Variants in PDE4D observed in about 807,000 individuals in gnomAD.
The protein encoded by PDE4D is 3',5'-cyclic-AMP phosphodiesterase 4D.
In PDE4D, 24 loss-of-function variants were observed where a neutral mutation model predicts 87.4. That is an observed-to-expected ratio of 0.27 (90% CI 0.20 to 0.39). The LOEUF is 0.39. PDE4D is among the 10% of genes least tolerant of loss of function. PDE4D has a pLI of 1.00. For missense variants in PDE4D, 714 were observed against 1,041.0 expected (o/e 0.69, Z 4.32); for synonymous variants, 384 against 383.2 (o/e 1.00, Z -0.02).
chr5:59,665,238 T>G (rs1026515540), intron 1 of PDE4D, among the ~76,000 whole-genome samples: 1 of 152,188 alleles, frequency 6.6e-6, no homozygotes, highest in African/African-American at 2.4e-5. Flanking sequence ...AACCATGACC[T>G]TGTCACCAAT....
chr5:60,166,088 A>T (rs1782872077), intron 2 of PDE4D, among the ~76,000 whole-genome samples: 1 of 152,102 alleles, frequency 6.6e-6, no homozygotes, highest in South Asian at 2.1e-4. Context: ...AAAACACTTT[A>T]TAAAATTTAT....
chr5:60,221,564 G>A (rs1744501257), intron 1 of PDE4D, among the ~76,000 whole-genome samples: 1 of 151,910 alleles, frequency 6.6e-6, no homozygotes, highest in South Asian at 2.1e-4. Flanking sequence ...AAATTTGATG[G>A]AATATTTCCA....
chr5:59,490,133 A>G (rs1805915854), intron 1 of PDE4D, among the ~76,000 whole-genome samples: 1 of 152,190 alleles, frequency 6.6e-6, no homozygotes, highest in African/African-American at 2.4e-5. Context: ...CAATTATCTC[A>G]TTTTACAAAC....
At chr5:60,474,320 G>A (rs917728510) in intron 1 of PDE4D, among the ~76,000 whole-genome samples, 2 of 151,142 alleles carry the variant, frequency 1.3e-5, no homozygotes, top group African/African-American at 4.9e-5. Context: ...GGGCAAACAG[G>A]CTCCCTCAAG....
chr5:59,416,603 T>C (rs1793657114), intron 1 of PDE4D, among the ~76,000 whole-genome samples: 1 of 152,194 alleles, frequency 6.6e-6, no homozygotes. Context: ...TAGTATCATT[T>C]ATAAAGAAAA....
chr5:59,387,385 A>G (rs959877370), intron 1 of PDE4D, among the ~76,000 whole-genome samples: 2 of 152,188 alleles, frequency 1.3e-5, no homozygotes, highest in Non-Finnish European at 2.9e-5. Flanking sequence ...TAGGTTACTA[A>G]GGTTCATACT....
intron 1 of PDE4D, among the ~76,000 whole-genome samples, chr5:59,740,055 T>C (rs927843058): frequency 2.6e-5 from 4 of 152,168 alleles, no homozygotes; most frequent in African/African-American, 7.2e-5. Flanking sequence ...CAAGAGTTAG[T>C]GTATCACTAG....
At chr5:60,104,681 C>T (rs1286562745) in intron 2 of PDE4D, among the ~76,000 whole-genome samples, 1 of 152,220 alleles carries the variant, frequency 6.6e-6, no homozygotes, top group African/African-American at 2.4e-5. Flanking sequence ...GAGGAACCAT[C>T]AGACAGCATC....
intron 5 of PDE4D, among the ~76,000 whole-genome samples, chr5:59,123,616 T>C (rs1774935515): frequency 6.6e-6 from 1 of 152,358 alleles, no homozygotes; most frequent in African/African-American, 2.4e-5. Flanking sequence ...TTCTTAATAC[T>C]AACATCAAAC....
intron 1 of PDE4D, among the ~76,000 whole-genome samples, chr5:59,336,419 GAA>G (rs1179858432): frequency 6.6e-6 from 1 of 152,094 alleles, no homozygotes; most frequent in Non-Finnish European, 1.5e-5. Flanking sequence ...TTATATTTTT[GAA>G]AATGTTTTTG....
At chr5:58,977,620 T>C (rs986979265) in intron 11 of PDE4D, among the ~76,000 whole-genome samples, 6 of 152,170 alleles carry the variant, frequency 3.9e-5, no homozygotes, top group Non-Finnish European at 1.5e-5. Context: ...AATTGGATCT[T>C]TAACCTCTCC....
chr5:60,066,597 TC>T (rs1772124565), intron 2 of PDE4D, among the ~76,000 whole-genome samples: 2 of 148,376 alleles, frequency 1.3e-5, no homozygotes, highest in African/African-American at 5.1e-5. Flanking sequence ...CAAATTATCA[TC>T]ATCATCATCA....
At chr5:59,370,139 G>A (rs73092988) in intron 1 of PDE4D, among the ~76,000 whole-genome samples, 5 of 152,188 alleles carry the variant, frequency 3.3e-5, no homozygotes, top group African/African-American at 4.8e-5. Context: ...TCCTTCCAAG[G>A]CTATTGCAGT....
At chr5:60,140,936 T>C (rs968083661) in intron 2 of PDE4D, among the ~76,000 whole-genome samples, 4 of 152,174 alleles carry the variant, frequency 2.6e-5, no homozygotes, top group Non-Finnish European at 5.9e-5. Context: ...ATTAAAAGGT[T>C]ATAGGACTAT....
intron 1 of PDE4D, among the ~76,000 whole-genome samples, chr5:59,808,245 G>T (rs568689357): frequency 1.3e-4 from 20 of 152,132 alleles, no homozygotes; most frequent in Admixed American, 2.0e-4. Context: ...AGCTGTCATT[G>T]TCCTCCATAG....
At chr5:59,226,293 T>C (rs1753767455) in intron 1 of PDE4D, among the ~76,000 whole-genome samples, 1 of 152,192 alleles carries the variant, frequency 6.6e-6, no homozygotes, top group South Asian at 2.1e-4. Flanking sequence ...GGTATATACA[T>C]ACAATGGAAT....
At chr5:59,110,473 TG>T (rs1355373874) in intron 5 of PDE4D, among the ~76,000 whole-genome samples, 1 of 152,260 alleles carries the variant, frequency 6.6e-6, no homozygotes, top group Non-Finnish European at 1.5e-5. Flanking sequence ...CACAGCTAAC[TG>T]TTGATGAACA....
chr5:59,377,689 A>G (rs1257127541), intron 1 of PDE4D, among the ~76,000 whole-genome samples: 3 of 152,208 alleles, frequency 2.0e-5, no homozygotes, highest in Non-Finnish European at 4.4e-5. Context: ...TTTTCAAAAG[A>G]CATACATGCA....
In PDE4D at chr5:59,215,875, G is replaced by A. The variant is rs1751150197; in HGVS notation, c.549C>T (p.Val183=). 1.2e-6 allele frequency: 2 copies of A among 1,613,490 alleles called. No homozygotes were observed. The highest frequency in any genetic ancestry group is 1.7e-6 in the Non-Finnish European group (2 of 1,179,602). ...GGAAGGACTCCCGTCGTTGACTGTG[G>A]ACAAAATTTGCTTGGAGAATTAGCC... ...GSGLILQANF[V]HSQRRESFLY... is the part of the protein sequence containing the mutation. Residue 183 remains valine, a synonymous_variant, in exon 2 of 15, where the codon GTC becomes GTT. Coordinates refer to ENST00000340635, the MANE Select transcript of PDE4D (RefSeq NM_001104631.2).
Sources: gnomAD v4.1 joint callset for allele counts (sites outside exome capture counted in the v4.1 genomes callset) on GRCh38, gnomAD v4.1.1 for gene constraint, MANE v1.5 for transcripts, NCBI Gene and HGNC (gene_info 2026-07-23, HGNC 2026-07-21) for gene names.